The following PEX5L variants were observed in gnomAD, a reference collection of about 807,000 sequenced individuals.
PEX5L encodes peroxisomal biogenesis factor 5 like.
A neutral mutation model predicts 84.0 loss-of-function variants in PEX5L; 30 were observed. The observed-to-expected ratio is 0.36, with a 90% CI of 0.27 to 0.48. The LOEUF is 0.48. PEX5L is among the 20% of genes least tolerant of loss of function. The pLI is 0.99. For missense variants in PEX5L, 533 were observed against 754.6 expected (o/e 0.71, Z 3.44); for synonymous variants, 270 against 283.1 (o/e 0.95, Z 0.46).
intron 7 of PEX5L, among the ~76,000 whole-genome samples, chr3:179,862,103 C>T (rs1196207436): frequency 5.9e-5 from 9 of 152,196 alleles, no homozygotes; most frequent in Non-Finnish European, 1.2e-4. Flanking sequence ...ATCTGCACCA[C>T]GCCTCTCCTA....
intron 4 of PEX5L, among the ~76,000 whole-genome samples, chr3:179,882,865 T>G (rs1398232296): frequency 3.3e-5 from 5 of 152,084 alleles, no homozygotes; most frequent in Admixed American, 2.0e-4. Context: ...GGCAGGAGGA[T>G]CGCTCGAAGC....
intron 1 of PEX5L, among the ~76,000 whole-genome samples, chr3:179,994,585 T>A (rs1360398475): frequency 6.6e-6 from 1 of 152,162 alleles, no homozygotes; most frequent in Non-Finnish European, 1.5e-5. Context: ...GGAGTCATCA[T>A]CCACTGGCTG....
At chr3:179,808,963 G>C (rs539888714) in intron 12 of PEX5L, among the ~76,000 whole-genome samples, 1 of 150,756 alleles carries the variant, frequency 6.6e-6, no homozygotes, top group Non-Finnish European at 1.5e-5. Flanking sequence ...AGTCCCAGCT[G>C]CTCGGGAGGC....
At chr3:179,842,077 T>A (rs570816565) in intron 8 of PEX5L, among the ~76,000 whole-genome samples, 21 of 152,336 alleles carry the variant, frequency 1.4e-4, no homozygotes, top group African/African-American at 5.1e-4. Context: ...TCCAACAAAC[T>A]GGAATAATTT....
chr3:179,878,875 C>T (rs1214835384), intron 5 of PEX5L, among the ~76,000 whole-genome samples: 3 of 152,094 alleles, frequency 2.0e-5, no homozygotes, highest in Non-Finnish European at 4.4e-5. Flanking sequence ...TGTAAATTTG[C>T]TAAGGCACAG....
rs569054903 is a variant in PEX5L at position 179,870,371 on chromosome 3, T to C, written c.726+3956A>G. Among the ~76,000 whole-genome samples the C allele has an allele frequency of 4.6e-5, 7 of 152,300 alleles. No homozygotes were observed. The East Asian group carries it at 5.8e-4, about 13-fold the overall frequency. On this transcript the variant is annotated intron_variant, in intron 7 of 14. Transcript: ENST00000467460. ...ATCTCTCTGTCCTATAGCTTCACTCTGCACTCTTCAACCAGTTAGTGATCT... is the reference window on the plus strand; with the variant it reads ...ATCTCTCTGTCCTATAGCTTCACTCCGCACTCTTCAACCAGTTAGTGATCT...
intron 8 of PEX5L, among the ~76,000 whole-genome samples, chr3:179,856,347 T>A (rs898362959): frequency 6.6e-6 from 1 of 151,748 alleles, no homozygotes; most frequent in African/African-American, 2.4e-5. Flanking sequence ...TAGACATTTT[T>A]AATAGTTACA....
intron 4 of PEX5L, among the ~76,000 whole-genome samples, chr3:179,885,375 G>C (rs915225926): frequency 6.6e-6 from 1 of 152,136 alleles, no homozygotes; most frequent in Non-Finnish European, 1.5e-5. Context: ...GGCCAGGCGC[G>C]GTGGTTCACG....
chr3:179,991,714 C>T (rs536311881), intron 1 of PEX5L, among the ~76,000 whole-genome samples: 3 of 152,242 alleles, frequency 2.0e-5, no homozygotes, highest in Non-Finnish European at 4.4e-5. Context: ...AGTTCTTTCC[C>T]TCTATGTATA....
At chr3:180,025,824 T>A (rs892141022) in intron 1 of PEX5L, among the ~76,000 whole-genome samples, 3 of 152,346 alleles carry the variant, frequency 2.0e-5, no homozygotes, top group South Asian at 2.1e-4. Flanking sequence ...TATAAAAACA[T>A]AAGAGCTAGT....
chr3:180,023,771 CAGAGAGAG>C (rs139045124), intron 1 of PEX5L, among the ~76,000 whole-genome samples: 4 of 102,812 alleles, frequency 3.9e-5, no homozygotes, highest in East Asian at 2.0e-4. Flanking sequence ...CGCACACACA[CAGAGAGAG>C]AGAGAGAGAG....
At position 179,874,378 on chromosome 3, in the gene PEX5L, G is replaced by A. The variant is rs139208096; in HGVS notation, c.675C>T (p.Ser225=). The change falls in exon 7 of 15, where the codon AGC becomes AGT. Residue 225 remains serine (S), a synonymous_variant. Coordinates refer to ENST00000467460, the MANE Select transcript of PEX5L (RefSeq NM_016559.3). Reference sequence around the variant, plus strand: ...CTGAAGCCGACTCAGAGTTGAGGGCGCTTTTTCCACCACTCAGTTCTGGTT... The same window carrying A: ...CTGAAGCCGACTCAGAGTTGAGGGCACTTTTTCCACCACTCAGTTCTGGTT... The part of the protein sequence containing the change: ...RSQPELSGGK[S]ALNSESASEL... 4.3e-5 allele frequency: 69 copies of A among 1,612,320 alleles called. No individual in the cohort carries two copies. The highest frequency in any genetic ancestry group is 1.6e-4 in the African/African-American group (12 of 74,832).
intron 7 of PEX5L, among the ~76,000 whole-genome samples, chr3:179,867,826 T>C (rs997983940): frequency 1.3e-5 from 2 of 152,132 alleles, no homozygotes; most frequent in African/African-American, 4.8e-5. Context: ...ATGACAATCC[T>C]AATTTGTTTT....
chr3:179,884,717 G>A (rs1755208977), intron 4 of PEX5L, among the ~76,000 whole-genome samples: 1 of 152,104 alleles, frequency 6.6e-6, no homozygotes, highest in African/African-American at 2.4e-5. Context: ...TTAAGGCAGG[G>A]TGCTGACTTT....
At chr3:180,025,065 A>T (rs571532875) in intron 1 of PEX5L, among the ~76,000 whole-genome samples, 1 of 152,282 alleles carries the variant, frequency 6.6e-6, no homozygotes, top group South Asian at 2.1e-4. Context: ...AACTGCGTAG[A>T]CTGCTTTGAC....
chr3:179,852,572 G>A (rs1010408587), intron 8 of PEX5L, among the ~76,000 whole-genome samples: 4 of 152,292 alleles, frequency 2.6e-5, no homozygotes, highest in Non-Finnish European at 4.4e-5. Flanking sequence ...AGTGGGGGAC[G>A]AGAAGAGCCA....
chr3:179,996,760 G>A (rs866428596), intron 1 of PEX5L, among the ~76,000 whole-genome samples: 11 of 152,188 alleles, frequency 7.2e-5, no homozygotes, highest in African/African-American at 2.7e-4. Context: ...TGGATTGCAA[G>A]GTGGCAGGAG....
At chr3:180,030,808 G>C (rs549726347) in intron 1 of PEX5L, among the ~76,000 whole-genome samples, 3 of 152,268 alleles carry the variant, frequency 2.0e-5, no homozygotes, top group Non-Finnish European at 4.4e-5. Context: ...TGGTTTTCCA[G>C]AGGTACGTGC....
At chr3:179,945,211 C>A (rs1777187033) in intron 2 of PEX5L, among the ~76,000 whole-genome samples, 1 of 152,198 alleles carries the variant, frequency 6.6e-6, no homozygotes, top group South Asian at 2.1e-4. Flanking sequence ...GGATTCTCAG[C>A]TTGCTCCTTT....
Sources: gnomAD v4.1 joint callset for allele counts (sites outside exome capture counted in the v4.1 genomes callset) on GRCh38, gnomAD v4.1.1 for gene constraint, MANE v1.5 for transcripts, NCBI Gene and HGNC (gene_info 2026-07-23, HGNC 2026-07-21) for gene names.